Variants in DNAJC5B observed in about 807,000 individuals in gnomAD.
The protein encoded by DNAJC5B is DnaJ heat shock protein family (Hsp40) member C5 beta.
A neutral mutation model predicts 24.7 loss-of-function variants in DNAJC5B; 23 were observed. That is an observed-to-expected ratio of 0.93 (90% CI 0.67 to 1.32). The LOEUF (loss-of-function observed/expected upper bound fraction) is 1.32. Among genes scored for constraint, DNAJC5B ranks in the 40% most tolerant of loss-of-function variants. The pLI, the probability that DNAJC5B is intolerant of heterozygous loss-of-function variation, is 0.00. For synonymous variants in DNAJC5B, 101 were observed against 90.1 expected, an observed-to-expected ratio of 1.12 and a Z score of -0.68; for missense variants, 238 against 240.8, an observed-to-expected ratio of 0.99 and a Z score of 0.08.
At chr8:66,046,858 C>T (rs956050450) in intron 2 of DNAJC5B, among the ~76,000 whole-genome samples, 2 of 152,270 alleles carry the variant, frequency 1.3e-5, no homozygotes, top group African/African-American at 4.8e-5. Flanking sequence ...GGCCACACTC[C>T]CTGCAGCCAC....
chr8:66,065,561 C>A (rs1265273936), intron 3 of DNAJC5B, among the ~76,000 whole-genome samples: 1 of 152,192 alleles, frequency 6.6e-6, no homozygotes, highest in South Asian at 2.1e-4. Context: ...TGCTAGCATT[C>A]TCAGCCACAT....
At chr8:66,029,406 A>G (rs1272781351) in intron 1 of DNAJC5B, among the ~76,000 whole-genome samples, 3 of 152,174 alleles carry the variant, frequency 2.0e-5, no homozygotes, top group Non-Finnish European at 4.4e-5. Flanking sequence ...GCACTGGAGG[A>G]AGAGGCAGGG....
upstream of DNAJC5B, among the ~76,000 whole-genome samples, chr8:66,020,465 C>T (rs956121814): frequency 6.6e-6 from 1 of 152,028 alleles, no homozygotes; most frequent in African/African-American, 2.4e-5. Flanking sequence ...ATGGGGTTAG[C>T]GTCTAGAAAA....
intron 3 of DNAJC5B, among the ~76,000 whole-genome samples, chr8:66,064,609 G>A (rs1358043226): frequency 6.6e-6 from 1 of 152,198 alleles, no homozygotes; most frequent in Non-Finnish European, 1.5e-5. Flanking sequence ...AATAAAGTTA[G>A]ATGCCCAGAA....
At chr8:66,079,456 A>G (rs1441244109) in intron 4 of DNAJC5B, among the ~76,000 whole-genome samples, 1 of 152,220 alleles carries the variant, frequency 6.6e-6, no homozygotes, top group Non-Finnish European at 1.5e-5. Flanking sequence ...GGGCAGGATC[A>G]GGAAAGATGT....
At chr8:66,017,673 G>C (rs549269150), upstream of DNAJC5B, among the ~76,000 whole-genome samples, 1 of 152,154 alleles carries the variant, frequency 6.6e-6, no homozygotes, top group Non-Finnish European at 1.5e-5. Context: ...TTTAGCTCTC[G>C]TAACTGTTGT....
intron 1 of DNAJC5B, among the ~76,000 whole-genome samples, chr8:66,042,581 T>TTTCTTCTTCTTCTTCCTC (rs1789855001): frequency 7.0e-6 from 1 of 141,892 alleles, no homozygotes; most frequent in Non-Finnish European, 1.5e-5. Flanking sequence ...TTTGTTTGTG[T>TTTCTTCTTCTTCTTCCTC]TTCTTCTTCT....
intron 1 of DNAJC5B, among the ~76,000 whole-genome samples, chr8:66,022,792 C>T (rs1040421397): frequency 6.6e-6 from 1 of 152,212 alleles, no homozygotes; most frequent in Non-Finnish European, 1.5e-5. Flanking sequence ...CTTCATAGCA[C>T]ACATTCAACT....
chr8:66,091,696 G>A (rs1019230341), intron 5 of DNAJC5B, among the ~76,000 whole-genome samples: 3 of 152,148 alleles, frequency 2.0e-5, no homozygotes, highest in African/African-American at 7.2e-5. Flanking sequence ...GAAGTAGCTG[G>A]AATCCCCATC....
At chr8:66,061,721 C>A (rs1807086347) in intron 3 of DNAJC5B, among the ~76,000 whole-genome samples, 2 of 151,996 alleles carry the variant, frequency 1.3e-5, no homozygotes, top group Admixed American at 1.3e-4. Flanking sequence ...TTTATTTTAA[C>A]ATGCTGATGT....
chr8:66,049,412 AT>A (rs1424131697), intron 2 of DNAJC5B, among the ~76,000 whole-genome samples: 1 of 152,194 alleles, frequency 6.6e-6, no homozygotes, highest in Non-Finnish European at 1.5e-5. Flanking sequence ...AGGTGTACCA[AT>A]TTTTATCTTT....
At chr8:66,039,521 T>G (rs1057250767) in intron 1 of DNAJC5B, among the ~76,000 whole-genome samples, 1 of 152,118 alleles carries the variant, frequency 6.6e-6, no homozygotes, top group Non-Finnish European at 1.5e-5. Flanking sequence ...GCTCATTTTT[T>G]GTATTTTTAG....
chr8:66,100,223 T>C lies in DNAJC5B; in HGVS notation c.*192T>C. On this transcript the variant is annotated 3_prime_UTR_variant, in exon 6 of 6. Transcript: ENST00000276570. ...CTTTCTCTCTGAGTAGAATTTCTTA[T>C]GAAACACATTCAATTTGGGTGAATA... 1 of 524,752 alleles carries C rather than the reference T, an allele frequency of 1.9e-6. No homozygotes were observed. Among genetic ancestry groups the C allele is most frequent in the Non-Finnish European group, 3.4e-6 (1 of 296,182 alleles). The allele number at this position is 524,752 out of a possible 1,614,324, so 32.5% of individuals were successfully genotyped here. A position where few individuals can be genotyped will look rare whatever the true frequency, so the allele number is the denominator to read the frequency against.
chr8:66,089,837 T>C (rs1470477593), intron 5 of DNAJC5B, among the ~76,000 whole-genome samples: 1 of 152,204 alleles, frequency 6.6e-6, no homozygotes, highest in African/African-American at 2.4e-5. Flanking sequence ...ACAGAACTTA[T>C]AAGCAGATTC....
chr8:66,059,964 T>C (rs975598925), intron 3 of DNAJC5B, among the ~76,000 whole-genome samples: 2 of 152,214 alleles, frequency 1.3e-5, no homozygotes, highest in Non-Finnish European at 2.9e-5. Flanking sequence ...TTCTGCTGTT[T>C]ACCTTGAGAG....
chr8:66,075,778 T>A (rs919107756), intron 3 of DNAJC5B, among the ~76,000 whole-genome samples: 3 of 152,256 alleles, frequency 2.0e-5, no homozygotes, highest in Admixed American at 6.5e-5. Flanking sequence ...TAATCAATAA[T>A]AGTTCAGTTC....
rs1808062790 is a variant in DNAJC5B, at chr8:66,101,051, TA to T, written c.*1021del. On this transcript the variant is annotated 3_prime_UTR_variant, in exon 6 of 6. Transcript: ENST00000276570. Reference sequence around the variant, plus strand: ...AGTGTTCGTTTTTCTAGCTCTTTCTTACTTTTTTATATAATATTGCATTTTC... The same window carrying T: ...AGTGTTCGTTTTTCTAGCTCTTTCTTCTTTTTTATATAATATTGCATTTTC... Among the ~76,000 whole-genome samples the T allele has an allele frequency of 6.6e-6, 1 of 152,248 alleles. No individual in the cohort carries two copies. Among genetic ancestry groups the T allele is most frequent in the African/African-American group, 2.4e-5 (1 of 41,466 alleles).
At chr8:66,066,660 T>C (rs988298215) in intron 3 of DNAJC5B, among the ~76,000 whole-genome samples, 2 of 152,066 alleles carry the variant, frequency 1.3e-5, no homozygotes, top group Non-Finnish European at 2.9e-5. Context: ...CTGTCACTTA[T>C]AAGCTAAGCT....
intron 3 of DNAJC5B, among the ~76,000 whole-genome samples, chr8:66,072,855 C>T (rs1807379114): frequency 6.6e-6 from 1 of 152,276 alleles, no homozygotes; most frequent in East Asian, 1.9e-4. Context: ...CTTCATCTAA[C>T]ATTTAAAAAC....
Sources: allele counts gnomAD v4.1 joint callset (sites outside exome capture counted in the v4.1 genomes callset), GRCh38; gene constraint gnomAD v4.1.1; transcripts MANE v1.5; gene names NCBI Gene and HGNC (gene_info 2026-07-23, HGNC 2026-07-21).